The following GSE1 variants were observed in gnomAD, a reference collection of about 807,000 sequenced individuals.
The protein encoded by GSE1 is Gse1 coiled-coil protein.
GSE1 carries 32 observed loss-of-function variants against 112.6 expected under a neutral mutation model. The observed-to-expected ratio is 0.28, with a 90% confidence interval of 0.21 to 0.38. The LOEUF (loss-of-function observed/expected upper bound fraction) is 0.38, where lower values mean the gene tolerates loss of function less well. GSE1 is among the 10% of genes least tolerant of loss of function. The pLI, the probability that GSE1 is intolerant of heterozygous loss-of-function variation, is 1.00. For synonymous variants in GSE1, 1,115 were observed against 735.6 expected (o/e 1.52, Z -8.35); for missense variants, 2,348 against 1,699.2 (o/e 1.38, Z -6.71).
intron 5 of GSE1, 68 bp from the exon 6 acceptor site, chr16:85,655,658 A>C: frequency 9.6e-7 from 1 of 1,046,334 alleles, no homozygotes; most frequent in Admixed American, 2.2e-5. Flanking sequence ...GCTGAGACAC[A>C]CCTGTCGACA....
intron 1 of GSE1, among the ~76,000 whole-genome samples, chr16:85,293,760 A>G (rs1333959683): frequency 6.6e-6 from 1 of 152,108 alleles, no homozygotes. Flanking sequence ...CTCTCCGATC[A>G]CTGAACTTCA....
At position 85,500,227 on chromosome 16, in the gene GSE1, A is replaced by G. The variant is rs545136739; in HGVS notation, c.2465-133687A>G. Among the ~76,000 whole-genome samples, 5 of 152,318 alleles carry G rather than the reference A, an allele frequency of 3.3e-5. No individual in the cohort carries two copies. In the East Asian group the frequency reaches 5.8e-4, roughly 18 times the overall value. ...GTTTGTTCTTTTTTCTCCTCCTGTC[A>G]TTCTGGGGAAGGGAAAAACAAATGG... is the stretch of plus-strand genomic sequence containing the variant. On this transcript the variant is annotated intron_variant, in intron 2 of 2. Transcript: ENST00000637419.
intron 2 of GSE1, among the ~76,000 whole-genome samples, chr16:85,383,992 C>T (rs1017860081): frequency 6.6e-6 from 1 of 152,132 alleles, no homozygotes; most frequent in Admixed American, 6.5e-5. Context: ...GCTTCAAAGC[C>T]TCTTGGGCTT....
At chr16:85,443,788 C>T (rs1393429709) in intron 2 of GSE1, among the ~76,000 whole-genome samples, 1 of 152,156 alleles carries the variant, frequency 6.6e-6, no homozygotes, top group Non-Finnish European at 1.5e-5. Context: ...GGGGAAAGTG[C>T]CAGGCAGGTC....
At chr16:85,211,923 G>A (rs2075232876) in intron 1 of GSE1, among the ~76,000 whole-genome samples, 1 of 152,214 alleles carries the variant, frequency 6.6e-6, no homozygotes, top group Admixed American at 6.5e-5. Context: ...GCACCAGGGG[G>A]CTGAAGGCTT....
chr16:85,554,844 A>G (rs2045118168), upstream of GSE1: 2 of 980,874 alleles, frequency 2.0e-6, no homozygotes, highest in East Asian at 1.1e-4. Flanking sequence ...GGGCAGCCGG[A>G]GGGGGGGCCA....
intron 2 of GSE1, among the ~76,000 whole-genome samples, chr16:85,479,860 A>G (rs2050617267): frequency 6.6e-6 from 1 of 152,148 alleles, no homozygotes; most frequent in South Asian, 2.1e-4. Context: ...CAGAGTGGGG[A>G]AACTGAGGCC....
At chr16:85,585,751 G>A (rs1420675197) in intron 1 of GSE1, among the ~76,000 whole-genome samples, 2 of 152,194 alleles carry the variant, frequency 1.3e-5, no homozygotes, top group African/African-American at 4.8e-5. Flanking sequence ...GCGATGACAC[G>A]AGCATCATCC....
At chr16:85,331,549 ATATATGTG>A (rs752130482) in intron 1 of GSE1, among the ~76,000 whole-genome samples, 95 of 95,280 alleles carry the variant, frequency 1.0e-3, no homozygotes, top group African/African-American at 1.8e-3. Context: ...ATATGTGTGT[ATATATGTG>A]TATATGTGTA....
chr16:85,633,974 C>G lies in GSE1; in HGVS notation c.68C>G (p.Thr23Ser). 1 of 1,613,184 alleles carries G rather than the reference C, an allele frequency of 6.2e-7. No individual in the cohort carries two copies. Reference protein sequence around the residue: ...LGMLSTATRTTATVNPLTPSP... With the variant: ...LGMLSTATRTSATVNPLTPSP... ...ATGCTTTCCACCGCGACCAGGACCA[C>G]CGCCACCGTCAACCCCCTCACCCCC... Residue 23 changes from threonine (T) to serine (S), a missense_variant, in exon 2 of 16, where the codon ACC (threonine) becomes AGC (serine). Physicochemically the swap from Thr to Ser is moderately conservative, Grantham distance 58. Coordinates refer to ENST00000253458, the MANE Select transcript of GSE1 (RefSeq NM_014615.5).
chr16:85,196,279 C>T (rs1285895064), intron 1 of GSE1, among the ~76,000 whole-genome samples: 2 of 152,080 alleles, frequency 1.3e-5, no homozygotes, highest in Non-Finnish European at 2.9e-5. Context: ...GTTTAGGTGA[C>T]TAGGGAGAGA....
chr16:85,444,781 G>A (rs567887126), intron 2 of GSE1, among the ~76,000 whole-genome samples: 1 of 152,128 alleles, frequency 6.6e-6, no homozygotes, highest in East Asian at 1.9e-4. Context: ...TCATGCCATC[G>A]CTGTGCTGGG....
chr16:85,316,987 A>C (rs2045999534), intron 1 of GSE1, among the ~76,000 whole-genome samples: 1 of 152,162 alleles, frequency 6.6e-6, no homozygotes. Flanking sequence ...TGGGCTGCTG[A>C]GCGAGTCTCA....
intron 2 of GSE1, among the ~76,000 whole-genome samples, chr16:85,428,939 G>A (rs562706918): frequency 6.6e-6 from 1 of 152,306 alleles, no homozygotes; most frequent in South Asian, 2.1e-4. Flanking sequence ...CAGCTGGAGT[G>A]AGCAGTAACA....
At chr16:85,558,482 G>A (rs1464716980) in intron 1 of GSE1, among the ~76,000 whole-genome samples, 1 of 152,234 alleles carries the variant, frequency 6.6e-6, no homozygotes, top group African/African-American at 2.4e-5. Flanking sequence ...TTTACACAGG[G>A]AGACTCAGAA....
intron 14 of GSE1, 31 bp downstream of exon 14, chr16:85,668,455 G>C (rs1181848281): frequency 7.0e-7 from 1 of 1,427,512 alleles, no homozygotes; most frequent in Admixed American, 1.7e-5. Flanking sequence ...AGGGGGGAGG[G>C]GGTCAGGAAA....
chr16:85,181,763 G>C lies in GSE1; in HGVS notation c.2283+9956G>C, dbSNP rs537098418. Among the ~76,000 whole-genome samples the C allele has an allele frequency of 5.9e-5, 9 of 152,308 alleles. No individual in the cohort carries two copies. The East Asian group carries it at 1.4e-3, about 23-fold the overall frequency. ...CAGACACGACAGGACTGGCCATGGG[G>C]CTGGGACGGGTCCTGGGGTCCAGAC... On this transcript the variant is annotated intron_variant, in intron 1 of 2. Coordinates refer to the GSE1 transcript ENST00000637419.
intron 1 of GSE1, among the ~76,000 whole-genome samples, chr16:85,346,064 A>G (rs1314127339): frequency 1.4e-5 from 2 of 145,146 alleles, no homozygotes; most frequent in African/African-American, 5.0e-5. Flanking sequence ...TGGATGAACA[A>G]TGGATAGGTG....
At chr16:85,180,243 GTATTCTGCCC>G (rs2074554609) in intron 1 of GSE1, among the ~76,000 whole-genome samples, 1 of 152,260 alleles carries the variant, frequency 6.6e-6, no homozygotes. Context: ...GCCGGGGTTG[GTATTCTGCCC>G]TGCCAAGCCA....
Sources: allele counts gnomAD v4.1 joint callset (sites outside exome capture counted in the v4.1 genomes callset), GRCh38; gene constraint gnomAD v4.1.1; transcripts MANE v1.5; gene names NCBI Gene and HGNC (gene_info 2026-07-23, HGNC 2026-07-21).